CACNA2D3: variants seen among roughly 807,000 people sequenced by gnomAD.
CACNA2D3 encodes voltage-dependent calcium channel subunit alpha-2/delta-3.
In CACNA2D3, 60 loss-of-function variants were observed where a neutral mutation model predicts 160.6. That is an observed-to-expected ratio of 0.37 (90% CI 0.30 to 0.46). CACNA2D3 has a LOEUF of 0.46. Ranked by LOEUF, CACNA2D3 falls within the 20% of genes least tolerant of loss-of-function variation. The pLI is 1.00. For missense variants in CACNA2D3, 1,205 were observed against 1,365.0 expected (o/e 0.88, Z 1.85); for synonymous variants, 558 against 492.9 (o/e 1.13, Z -1.75).
At chr3:54,545,666 G>T (rs541828460) in intron 5 of CACNA2D3, among the ~76,000 whole-genome samples, 203 of 152,244 alleles carry the variant, frequency 1.3e-3, no homozygotes, top group Admixed American at 3.1e-3. Context: ...AATATGGTAT[G>T]GAAGTGCTTC....
intron 2 of CACNA2D3, among the ~76,000 whole-genome samples, chr3:54,144,393 C>T (rs1203553462): frequency 2.0e-5 from 3 of 152,206 alleles, no homozygotes; most frequent in African/African-American, 7.2e-5. Context: ...CTCAGAGCAT[C>T]CTCATAAGGG....
At chr3:54,150,415 C>T in intron 2 of CACNA2D3, among the ~76,000 whole-genome samples, 1 of 152,144 alleles carries the variant, frequency 6.6e-6, no homozygotes, top group Non-Finnish European at 1.5e-5. Flanking sequence ...ACCCAAGTGG[C>T]TCTCCTCAGC....
At chr3:54,270,017 A>C (rs1475875678) in intron 2 of CACNA2D3, among the ~76,000 whole-genome samples, 1 of 152,226 alleles carries the variant, frequency 6.6e-6, no homozygotes, top group Non-Finnish European at 1.5e-5. Flanking sequence ...TTGTTGTACC[A>C]GAAGCTGAAG....
At chr3:55,018,474 C>T (rs1470095334) in intron 35 of CACNA2D3, among the ~76,000 whole-genome samples, 157 bp downstream of exon 35, 2 of 152,174 alleles carry the variant, frequency 1.3e-5, no homozygotes, top group Non-Finnish European at 2.9e-5. Flanking sequence ...GGAAGAAACA[C>T]CACTTGGCTT....
At chr3:55,051,639 C>T (rs553248132) in intron 35 of CACNA2D3, among the ~76,000 whole-genome samples, 3 of 152,144 alleles carry the variant, frequency 2.0e-5, no homozygotes, top group East Asian at 3.9e-4. Flanking sequence ...CCACCCAGTT[C>T]GAGCTTCCGG....
intron 11 of CACNA2D3, among the ~76,000 whole-genome samples, chr3:54,735,171 G>T (rs1051260188): frequency 2.0e-5 from 3 of 152,242 alleles, no homozygotes; most frequent in Non-Finnish European, 4.4e-5. Flanking sequence ...CAGAACTGCT[G>T]CTTAGGCAGT....
intron 2 of CACNA2D3, among the ~76,000 whole-genome samples, chr3:54,222,437 AT>A (rs1701592860): frequency 6.6e-6 from 1 of 152,214 alleles, no homozygotes; most frequent in Admixed American, 6.5e-5. Flanking sequence ...GTTTTCTCTT[AT>A]TCAGCCTTTT....
At chr3:54,883,627 A>G (rs1257885601) in intron 21 of CACNA2D3, among the ~76,000 whole-genome samples, 1 of 152,148 alleles carries the variant, frequency 6.6e-6, no homozygotes, top group Non-Finnish European at 1.5e-5. Flanking sequence ...CTAGAAAAAG[A>G]CTTGACACTC....
At chr3:54,443,964 A>C (rs755145804) in intron 4 of CACNA2D3, among the ~76,000 whole-genome samples, 1 of 152,132 alleles carries the variant, frequency 6.6e-6, no homozygotes, top group East Asian at 1.9e-4. Context: ...GGACTTCCTC[A>C]TTGTGTTGCT....
chr3:54,915,040 G>A (rs998143065), intron 27 of CACNA2D3, among the ~76,000 whole-genome samples: 1 of 152,198 alleles, frequency 6.6e-6, no homozygotes, highest in Non-Finnish European at 1.5e-5. Flanking sequence ...ACTCAAGCAA[G>A]GAGATTTGAT....
chr3:54,158,842 A>G (rs184000562), intron 2 of CACNA2D3, among the ~76,000 whole-genome samples: 3 of 152,348 alleles, frequency 2.0e-5, no homozygotes, highest in Admixed American at 2.0e-4. Context: ...TGTGATGGTC[A>G]TTAGTTTACA....
chr3:54,463,183 A>G, intron 4 of CACNA2D3, among the ~76,000 whole-genome samples: 1 of 151,632 alleles, frequency 6.6e-6, no homozygotes, highest in Non-Finnish European at 1.5e-5. Context: ...GGGTAACCCG[A>G]CCTTTCTCTC....
intron 35 of CACNA2D3, among the ~76,000 whole-genome samples, chr3:55,051,153 G>T (rs898710049): frequency 6.6e-6 from 1 of 152,200 alleles, no homozygotes; most frequent in Non-Finnish European, 1.5e-5. Flanking sequence ...GTGAGGAACT[G>T]TGTTCCTTTG....
chr3:54,941,854 C>T (rs1701475867), intron 27 of CACNA2D3, among the ~76,000 whole-genome samples: 1 of 152,166 alleles, frequency 6.6e-6, no homozygotes, highest in African/African-American at 2.4e-5. Flanking sequence ...CCCTGCCACA[C>T]AGTTCTGCAG....
chr3:54,822,806 T>TCCTTCCTTCCTTC (rs1553874304), intron 14 of CACNA2D3, among the ~76,000 whole-genome samples: 1 of 113,072 alleles, frequency 8.8e-6, no homozygotes, highest in Non-Finnish European at 1.7e-5. Flanking sequence ...TTTCTTTCTT[T>TCCTTCCTTCCTTC]CTTTCTTTCT....
At chr3:54,439,174 G>C (rs186383668) in intron 4 of CACNA2D3, among the ~76,000 whole-genome samples, 2 of 152,218 alleles carry the variant, frequency 1.3e-5, no homozygotes, top group East Asian at 3.9e-4. Flanking sequence ...CCATCTTCGG[G>C]TTATCACAGC....
intron 31 of CACNA2D3, among the ~76,000 whole-genome samples, chr3:54,999,879 G>T (rs1559459659): frequency 6.6e-6 from 1 of 152,162 alleles, no homozygotes; most frequent in Non-Finnish European, 1.5e-5. Context: ...GTCATCCAAG[G>T]CTCTACCCAG....
rs79986496 is a variant in CACNA2D3, at chr3:55,020,969, T to G, written c.2987+2652T>G. Reference sequence around the variant, plus strand: ...GCGATACTTTTTCTTCCTTGCACTGTCATTTGGCTTTCCTATTAAGGTCAT... The same window carrying G: ...GCGATACTTTTTCTTCCTTGCACTGGCATTTGGCTTTCCTATTAAGGTCAT... On this transcript the variant is annotated intron_variant, in intron 35 of 37. Coordinates refer to ENST00000474759, the MANE Select transcript of CACNA2D3 (RefSeq NM_018398.3). Among the ~76,000 whole-genome samples, 63 of 152,348 alleles carry G rather than the reference T, an allele frequency of 4.1e-4. 2 individuals carry two copies. The East Asian group carries it at 0.011, about 27-fold the overall frequency.
rs1479277434 is a variant in CACNA2D3, at chr3:54,626,700, A to AAAAAAAAAAG, written c.964-1083_964-1074dup. 9.2e-5 allele frequency: 68 copies of AAAAAAAAAAG among 740,698 alleles called. 3 individuals carry two copies. Among genetic ancestry groups the AAAAAAAAAAG allele is most frequent in the Non-Finnish European group, 1.2e-4 (53 of 444,276 alleles). 45.9% of individuals were successfully genotyped at this position (740,698 alleles called of 1,614,324 possible). A position where few individuals can be genotyped will look rare whatever the true frequency, so the allele number is the denominator to read the frequency against. ...GGTTCCAGTCAAAAAAAAAAAAAAAAAAAAAAAAAGAAAGAAAAAGAAAGG... is the reference window on the plus strand; with the variant it reads ...GGTTCCAGTCAAAAAAAAAAAAAAAAAAAAAAAAAGAAAAAAAAAGAAAGAAAAAGAAAGG... On this transcript the variant is annotated intron_variant, in intron 9 of 37. Transcript: ENST00000474759.
Sources: allele counts gnomAD v4.1 joint callset (sites outside exome capture counted in the v4.1 genomes callset), GRCh38; gene constraint gnomAD v4.1.1; transcripts MANE v1.5; gene names NCBI Gene and HGNC (gene_info 2026-07-23, HGNC 2026-07-21).